Variants in RBFOX1 observed in about 807,000 individuals in gnomAD.
RBFOX1 encodes RNA binding protein fox-1 homolog 1.
Under a neutral mutation model 57.7 loss-of-function variants are expected in RBFOX1, and 8 were observed. The observed-to-expected ratio is 0.14, with a 90% CI of 0.08 to 0.25. The LOEUF is 0.25. RBFOX1 is among the 10% of genes least tolerant of loss of function. The pLI, the probability that RBFOX1 is intolerant of heterozygous loss-of-function variation, is 1.00. For missense variants in RBFOX1, 611 were observed against 548.5 expected (o/e 1.11, Z -1.14); for synonymous variants, 326 against 222.4 (o/e 1.47, Z -4.15).
rs556580079 is a variant in RBFOX1 at position 7,010,656 on chromosome 16, T to C, written c.-15-41401T>C. Among the ~76,000 whole-genome samples the C allele has an allele frequency of 2.2e-3, 333 of 152,196 alleles. 4 individuals are homozygous for C. Among genetic ancestry groups the C allele is most frequent in the African/African-American group, 7.7e-3 (321 of 41,522 alleles). ...CCAATGGCTCTCTGGTACCGCCTCC[T>C]GGGTTCAAGAGATTCTCCTGCCTCA... On this transcript the variant is annotated intron_variant, in intron 3 of 15. Transcript: ENST00000550418.
intron 1 of RBFOX1, among the ~76,000 whole-genome samples, chr16:5,288,730 A>G (rs1874396332): frequency 6.6e-6 from 1 of 151,882 alleles, no homozygotes; most frequent in African/African-American, 2.4e-5. Context: ...CCCCTCCAAA[A>G]TGATTCTCTT....
intron 2 of RBFOX1, among the ~76,000 whole-genome samples, chr16:6,508,388 A>G (rs1236285787): frequency 6.6e-6 from 1 of 152,226 alleles, no homozygotes; most frequent in Non-Finnish European, 1.5e-5. Flanking sequence ...TAATGTAAGT[A>G]GACTTAACAC....
intron 4 of RBFOX1, among the ~76,000 whole-genome samples, chr16:7,255,293 A>G (rs368796570): frequency 1.4e-4 from 21 of 152,342 alleles, no homozygotes; most frequent in African/African-American, 4.1e-4. Context: ...TTTCCATTCT[A>G]TCACACTGCT....
chr16:7,218,628 CTGTGTGTG>C (rs60333818), intron 4 of RBFOX1, among the ~76,000 whole-genome samples: 1,412 of 127,516 alleles, frequency 0.011, 26 homozygotes, highest in African/African-American at 0.029. Context: ...TGGGGGTTTG[CTGTGTGTG>C]TGTGTGTGTG....
chr16:7,060,828 T>C (rs1193530653), intron 4 of RBFOX1, among the ~76,000 whole-genome samples: 1 of 152,200 alleles, frequency 6.6e-6, no homozygotes, highest in Admixed American at 6.5e-5. Context: ...TCTGGATTGT[T>C]CTGTCCTCAA....
At chr16:5,360,170 C>T (rs2065504565) in intron 1 of RBFOX1, among the ~76,000 whole-genome samples, 1 of 152,210 alleles carries the variant, frequency 6.6e-6, no homozygotes, top group Non-Finnish European at 1.5e-5. Context: ...ACATCTGCAG[C>T]CGCCTACTCC....
intron 4 of RBFOX1, among the ~76,000 whole-genome samples, chr16:7,092,620 A>T (rs1019080540): frequency 1.3e-5 from 2 of 152,134 alleles, no homozygotes; most frequent in African/African-American, 4.8e-5. Flanking sequence ...CACTAATCAT[A>T]TATGTATTTG....
At chr16:6,203,701 C>A (rs1018376149) in intron 1 of RBFOX1, among the ~76,000 whole-genome samples, 3 of 152,088 alleles carry the variant, frequency 2.0e-5, no homozygotes, top group Non-Finnish European at 4.4e-5. Flanking sequence ...TGATAACAAG[C>A]GTTGGTGAAG....
intron 3 of RBFOX1, among the ~76,000 whole-genome samples, chr16:5,763,849 G>A (rs886316045): frequency 2.0e-5 from 3 of 152,204 alleles, no homozygotes; most frequent in African/African-American, 7.2e-5. Context: ...TGCGCTGGCT[G>A]TCTTAAGTAG....
Position 7,630,643 on chromosome 16 carries a change from C to T in RBFOX1, c.717C>T (p.Ser239=), listed in dbSNP as rs201549920. 81 of 1,614,156 alleles carry T rather than the reference C, an allele frequency of 5.0e-5. No individual in the cohort carries two copies. The East Asian group carries it at 1.8e-3, about 36-fold the overall frequency. ...LLCQANQEGS[S]MYSAPSSLVY... is the part of the protein sequence containing the mutation. Reference sequence around the variant, plus strand: ...GCCAGGCCAACCAGGAGGGATCTTCCATGTACAGTGCCCCCAGTTCACTTG... The same window carrying T: ...GCCAGGCCAACCAGGAGGGATCTTCTATGTACAGTGCCCCCAGTTCACTTG... The change falls in exon 11 of 16, where the codon TCC becomes TCT. Residue 239 remains serine (S), a synonymous_variant. Coordinates refer to ENST00000550418, the MANE Select transcript of RBFOX1 (RefSeq NM_018723.4).
chr16:6,885,019 C>T (rs117953057), intron 3 of RBFOX1, among the ~76,000 whole-genome samples: 1,832 of 152,314 alleles, frequency 0.012, 22 homozygotes, highest in Non-Finnish European at 0.02. Flanking sequence ...TAATTACTGT[C>T]ATGTTTTAGA....
rs184240147 is a variant in RBFOX1 at position 5,654,736 on chromosome 16, G to A, written c.318+55775G>A. ...CCTGGTGTGATGTGCTCCTCCTCCT[G>A]CAGCCTTTGCCATGTTCTCCTTTCC... On this transcript the variant is annotated intron_variant, in intron 3 of 19. Coordinates refer to the RBFOX1 transcript ENST00000641259. Among the ~76,000 whole-genome samples, 32 of 152,102 alleles carry A rather than the reference G, an allele frequency of 2.1e-4. 1 individual carries two copies. In the East Asian group the frequency reaches 5.4e-3, roughly 26 times the overall value.
intron 3 of RBFOX1, among the ~76,000 whole-genome samples, chr16:5,793,611 C>G (rs749315716): frequency 6.6e-6 from 1 of 152,184 alleles, no homozygotes; most frequent in African/African-American, 2.4e-5. Context: ...ATCTTACCCA[C>G]TACTCAAGAG....
At chr16:6,221,203 A>G (rs1455529513) in intron 1 of RBFOX1, among the ~76,000 whole-genome samples, 2 of 152,192 alleles carry the variant, frequency 1.3e-5, no homozygotes, top group Admixed American at 1.3e-4. Context: ...GGTCATAGCA[A>G]TGTATATAAC....
At chr16:6,584,705 C>G (rs555939791) in intron 2 of RBFOX1, among the ~76,000 whole-genome samples, 1 of 151,996 alleles carries the variant, frequency 6.6e-6, no homozygotes, top group Non-Finnish European at 1.5e-5. Flanking sequence ...CCTGAATGAC[C>G]TCTAGCTACT....
At chr16:6,408,555 G>C (rs1285241519) in intron 2 of RBFOX1, among the ~76,000 whole-genome samples, 1 of 152,146 alleles carries the variant, frequency 6.6e-6, no homozygotes, top group Non-Finnish European at 1.5e-5. Context: ...GAGCGTTATT[G>C]ATGGAACAAA....
chr16:6,417,697 C>G (rs895882255), intron 2 of RBFOX1, among the ~76,000 whole-genome samples: 2 of 80,184 alleles, frequency 2.5e-5, no homozygotes, highest in Non-Finnish European at 4.4e-5. Context: ...GCCTTAAACT[C>G]CTTTCTTTTT....
At chr16:6,780,880 T>A (rs554634157) in intron 3 of RBFOX1, among the ~76,000 whole-genome samples, 1 of 152,164 alleles carries the variant, frequency 6.6e-6, no homozygotes, top group African/African-American at 2.4e-5. Flanking sequence ...GCTCCTCACA[T>A]GTTCTGGCAG....
At chr16:7,359,635 G>A (rs941699637) in intron 4 of RBFOX1, among the ~76,000 whole-genome samples, 1 of 152,142 alleles carries the variant, frequency 6.6e-6, no homozygotes, top group Non-Finnish European at 1.5e-5. Context: ...ATGGCTTGCT[G>A]TCTACAGCAC....
Sources: allele counts gnomAD v4.1 joint callset (sites outside exome capture counted in the v4.1 genomes callset), GRCh38; gene constraint gnomAD v4.1.1; transcripts MANE v1.5; gene names NCBI Gene and HGNC (gene_info 2026-07-23, HGNC 2026-07-21).